Variants in TENM3 observed in about 807,000 individuals in gnomAD.
TENM3 encodes teneurin-3.
TENM3 carries 63 observed loss-of-function variants against 255.1 expected under a neutral mutation model. That is an observed-to-expected ratio of 0.25 (90% CI 0.20 to 0.30). The LOEUF (loss-of-function observed/expected upper bound fraction) is 0.30, where lower values mean the gene tolerates loss of function less well. Among genes scored for constraint, TENM3 ranks in the 10% least tolerant of loss-of-function variants. The pLI is 1.00. For synonymous variants in TENM3, 1,306 were observed against 1,322.3 expected (o/e 0.99, Z 0.27); for missense variants, 2,929 against 3,461.1 (o/e 0.85, Z 3.86).
intron 3 of TENM3, among the ~76,000 whole-genome samples, chr4:182,485,095 C>A (rs185588894): frequency 1.9e-4 from 29 of 152,052 alleles, no homozygotes; most frequent in African/African-American, 6.8e-4. Context: ...ATACCATGTT[C>A]CTTGCAGGCA....
At chr4:181,545,890 A>C in the TENM3 span, among the ~76,000 whole-genome samples, 2 of 152,188 alleles carry the variant, frequency 1.3e-5, no homozygotes. Context: ...ACGTGTCTGC[A>C]GCCATTCTTT....
the TENM3 span, among the ~76,000 whole-genome samples, chr4:181,874,831 C>G: frequency 6.6e-6 from 1 of 152,344 alleles, no homozygotes; most frequent in East Asian, 1.9e-4. Context: ...TTGGGCTCTG[C>G]TTCTTTGCAT....
intron 1 of TENM3, among the ~76,000 whole-genome samples, chr4:182,161,639 G>GTATA (rs147887811): frequency 3.4e-5 from 3 of 87,890 alleles, no homozygotes; most frequent in Non-Finnish European, 6.3e-5. Context: ...ATATATATAT[G>GTATA]TATATATATA....
the TENM3 span, among the ~76,000 whole-genome samples, chr4:181,520,280 C>G: frequency 6.6e-6 from 1 of 152,166 alleles, no homozygotes; most frequent in Non-Finnish European, 1.5e-5. Context: ...GAAGCCGTGC[C>G]GCCCTGGCAG....
intron 1 of TENM3, among the ~76,000 whole-genome samples, chr4:182,205,226 C>T (rs1290060808): frequency 6.6e-6 from 1 of 152,210 alleles, no homozygotes; most frequent in Admixed American, 6.5e-5. Context: ...TTTTCCAATC[C>T]ATATAAATTT....
At chr4:182,185,051 C>A (rs935024779) in intron 1 of TENM3, among the ~76,000 whole-genome samples, 3 of 151,080 alleles carry the variant, frequency 2.0e-5, no homozygotes, top group Non-Finnish European at 2.9e-5. Flanking sequence ...CTACTGCACT[C>A]CAGCCTGGAC....
the TENM3 span, among the ~76,000 whole-genome samples, chr4:181,613,328 C>T: frequency 2.0e-5 from 3 of 152,230 alleles, no homozygotes; most frequent in Admixed American, 1.3e-4. Context: ...ACTAAACCCA[C>T]ACTAGCAAAG....
chr4:182,000,590 C>A, the TENM3 span, among the ~76,000 whole-genome samples: 3 of 152,068 alleles, frequency 2.0e-5, no homozygotes, highest in Non-Finnish European at 2.9e-5. Flanking sequence ...TATTATGAAC[C>A]CACAATATCC....
intron 1 of TENM3, among the ~76,000 whole-genome samples, chr4:182,176,849 A>AT (rs1752524833): frequency 3.7e-5 from 2 of 53,452 alleles, no homozygotes; most frequent in Admixed American, 4.0e-4. Context: ...TTTTTTTTTG[A>AT]TTTTTAGTAG....
the TENM3 span, among the ~76,000 whole-genome samples, chr4:182,097,704 A>C: frequency 6.6e-6 from 1 of 152,230 alleles, no homozygotes; most frequent in African/African-American, 2.4e-5. Context: ...AGGAGTATCT[A>C]ATTATCATCA....
the TENM3 span, chr4:181,829,833 G>A: frequency 6.6e-6 from 1 of 152,300 alleles, no homozygotes; most frequent in East Asian, 1.9e-4. Context: ...TTTCCCCAGA[G>A]TGAGGAAGCT....
chr4:182,736,268 C>T (rs575509977), intron 16 of TENM3, among the ~76,000 whole-genome samples: 1 of 152,332 alleles, frequency 6.6e-6, no homozygotes, highest in Admixed American at 6.5e-5. Context: ...GCTGATGAGG[C>T]TATAGGTACT....
chr4:182,514,026 C>T (rs577456307), intron 3 of TENM3, among the ~76,000 whole-genome samples: 12 of 152,258 alleles, frequency 7.9e-5, no homozygotes, highest in Non-Finnish European at 1.8e-4. Context: ...CCCTCTCTCC[C>T]TCTGCCTCCT....
At chr4:182,499,399 A>G (rs1333311155) in intron 3 of TENM3, among the ~76,000 whole-genome samples, 1 of 152,190 alleles carries the variant, frequency 6.6e-6, no homozygotes, top group East Asian at 1.9e-4. Flanking sequence ...GGCCTTCCCC[A>G]ACAACACAGA....
At chr4:181,625,605 G>A in the TENM3 span, among the ~76,000 whole-genome samples, 1 of 152,092 alleles carries the variant, frequency 6.6e-6, no homozygotes, top group Non-Finnish European at 1.5e-5. Flanking sequence ...GAGGTCAAGA[G>A]ATTGAGACCA....
intron 4 of TENM3, among the ~76,000 whole-genome samples, chr4:182,616,524 A>T (rs1468974728): frequency 1.2e-3 from 173 of 146,688 alleles, no homozygotes; most frequent in African/African-American, 4.2e-3. Context: ...AAGTATAATA[A>T]AAAAAAAAAA....
the TENM3 span, among the ~76,000 whole-genome samples, chr4:182,121,372 A>C: frequency 6.6e-6 from 1 of 151,868 alleles, no homozygotes. Context: ...AGGTGTAGAT[A>C]TAATGAGAGT....
the TENM3 span, among the ~76,000 whole-genome samples, chr4:181,652,764 A>C: frequency 6.6e-6 from 1 of 152,208 alleles, no homozygotes; most frequent in Non-Finnish European, 1.5e-5. Flanking sequence ...AATAGTAATC[A>C]ATGTTTTCAA....
At position 182,495,504 on chromosome 4, in the gene TENM3, T is replaced by C. The variant is rs113400380; in HGVS notation, c.512-105420T>C. 1.1e-4 allele frequency among the ~76,000 whole-genome samples: 15 copies of C among 140,748 alleles called. 1 individual carries two copies. The highest frequency in any genetic ancestry group is 4.0e-4 in the African/African-American group (14 of 34,840). The allele number at this position is 140,748 out of a possible 152,430, so 92.3% of individuals were successfully genotyped here. ...CTGTTTCTTTAGTTTCCTTTAAAAG[T>C]GAAAAAAAAAATGACTGTATGAATG... On this transcript the variant is annotated intron_variant, in intron 3 of 27. Coordinates refer to ENST00000511685, the MANE Select transcript of TENM3 (RefSeq NM_001080477.4).
Sources: gnomAD v4.1 joint callset for allele counts (sites outside exome capture counted in the v4.1 genomes callset) on GRCh38, gnomAD v4.1.1 for gene constraint, MANE v1.5 for transcripts, NCBI Gene and HGNC (gene_info 2026-07-23, HGNC 2026-07-21) for gene names.